The following GIPC2 variants were observed in gnomAD, a reference collection of about 807,000 sequenced individuals.
GIPC2 encodes GIPC PDZ domain containing family member 2, also known as PDZ domain-containing protein GIPC2.
In GIPC2, 30 loss-of-function variants were observed where a neutral mutation model predicts 30.6. The ratio of observed to expected loss-of-function variants is 0.98; its 90% CI spans 0.73 to 1.33. GIPC2 has a LOEUF of 1.33. Ranked by LOEUF, GIPC2 falls within the 40% of genes most tolerant of loss-of-function variation. The probability of loss-of-function intolerance (pLI) is 0.00; values close to 1 mark genes in which losing one functional copy is unlikely to be tolerated. For missense variants in GIPC2, 414 were observed against 390.3 expected (o/e 1.06, Z -0.51); for synonymous variants, 167 against 150.0 (o/e 1.11, Z -0.83).
intron 2 of GIPC2, among the ~76,000 whole-genome samples, chr1:78,087,017 T>C (rs1661941009): frequency 6.6e-6 from 1 of 152,206 alleles, no homozygotes; most frequent in South Asian, 2.1e-4. Context: ...GTTTGTGTGA[T>C]TGCTTTATAG....
At chr1:78,095,317 A>C (rs187502148) in intron 3 of GIPC2, among the ~76,000 whole-genome samples, 185 bp downstream of exon 3, 4 of 152,334 alleles carry the variant, frequency 2.6e-5, no homozygotes, top group African/African-American at 9.6e-5. Context: ...AGGAAGAAAA[A>C]AGAGAAAATT....
chr1:78,049,872 A>C (rs1162588411), intron 1 of GIPC2, among the ~76,000 whole-genome samples: 1 of 150,714 alleles, frequency 6.6e-6, no homozygotes, highest in East Asian at 2.0e-4. Context: ...TCAAATTCCA[A>C]ATACGAACCC....
At chr1:78,091,381 G>A in intron 2 of GIPC2, 1 of 512,040 alleles carries the variant, frequency 2.0e-6, no homozygotes, top group Non-Finnish European at 3.5e-6. Context: ...TCAGAGTCTG[G>A]TGCTTAAGAT....
intron 3 of GIPC2, among the ~76,000 whole-genome samples, chr1:78,112,194 T>C (rs1386928086): frequency 6.6e-6 from 1 of 152,248 alleles, no homozygotes; most frequent in East Asian, 1.9e-4. Context: ...AGTTTGGAAC[T>C]GAAAGTAATT....
chr1:78,096,365 G>A (rs939887712), intron 3 of GIPC2, among the ~76,000 whole-genome samples: 4 of 152,114 alleles, frequency 2.6e-5, no homozygotes, highest in African/African-American at 9.7e-5. Flanking sequence ...GATGGTTTGA[G>A]ATAAATATTC....
intron 3 of GIPC2, among the ~76,000 whole-genome samples, chr1:78,101,277 A>G (rs1415732337): frequency 6.6e-6 from 1 of 152,180 alleles, no homozygotes; most frequent in East Asian, 1.9e-4. Flanking sequence ...CACTTTCCCA[A>G]GTTGGCTGTG....
intron 2 of GIPC2, chr1:78,092,757 A>G (rs1662065220): frequency 6.6e-6 from 1 of 152,218 alleles, no homozygotes; most frequent in Non-Finnish European, 1.5e-5. Flanking sequence ...TTCATTCCAG[A>G]TTCTTATCTG....
At chr1:78,090,855 A>C (rs369760028) in intron 2 of GIPC2, among the ~76,000 whole-genome samples, 371 of 152,342 alleles carry the variant, frequency 2.4e-3, no homozygotes, top group Non-Finnish European at 4.7e-3. Context: ...CTGTGAAGCC[A>C]GAATAGACAT....
At position 78,046,462 on chromosome 1, in the gene GIPC2, C is replaced by A. The variant is rs941867890; in HGVS notation, c.240+128C>A. 5 of 800,014 alleles carry A rather than the reference C, an allele frequency of 6.2e-6. No homozygotes were observed. In the African/African-American group the frequency reaches 7.2e-5, roughly 12 times the overall value. The allele number at this position is 800,014 out of a possible 1,614,324, so 49.6% of individuals were successfully genotyped here. On this transcript the variant is annotated intron_variant, in intron 1 of 5. Coordinates refer to ENST00000370759, the MANE Select transcript of GIPC2 (RefSeq NM_017655.6). ...GCGAAATCCGATGCCGTGTTGAGTC[C>A]GCCGGGGGCGTCCCGGGGGAAAGTG...
chr1:78,065,979 A>G (rs1465505367), intron 1 of GIPC2, among the ~76,000 whole-genome samples: 1 of 152,252 alleles, frequency 6.6e-6, no homozygotes, highest in East Asian at 1.9e-4. Context: ...GGACATAGGA[A>G]TGGGCAAAGA....
At chr1:78,087,526 A>G (rs1300623817) in intron 2 of GIPC2, among the ~76,000 whole-genome samples, 1 of 152,226 alleles carries the variant, frequency 6.6e-6, no homozygotes, top group Non-Finnish European at 1.5e-5. Flanking sequence ...TGATGCTGGG[A>G]TAGCCATATG....
chr1:78,102,243 G>A (rs574717575), intron 3 of GIPC2, among the ~76,000 whole-genome samples: 1 of 152,274 alleles, frequency 6.6e-6, no homozygotes, highest in South Asian at 2.1e-4. Flanking sequence ...ATCAGAATAG[G>A]ATGTTAAGTA....
chr1:78,097,467 C>G (rs1428314519), intron 3 of GIPC2, among the ~76,000 whole-genome samples: 1 of 152,144 alleles, frequency 6.6e-6, no homozygotes, highest in Non-Finnish European at 1.5e-5. Context: ...AAAGACTTAG[C>G]CTGGAGAGGC....
At chr1:78,121,137 C>T (rs1662673558) in intron 4 of GIPC2, among the ~76,000 whole-genome samples, 1 of 151,984 alleles carries the variant, frequency 6.6e-6, no homozygotes, top group Admixed American at 6.6e-5. Flanking sequence ...TGAAAAACAC[C>T]AGAAGGAGAA....
chr1:78,050,043 C>T (rs968099149), intron 1 of GIPC2, among the ~76,000 whole-genome samples: 4 of 151,874 alleles, frequency 2.6e-5, no homozygotes, highest in South Asian at 2.1e-4. Flanking sequence ...ATTACAGGCA[C>T]ACGCCATCAT....
intron 3 of GIPC2, among the ~76,000 whole-genome samples, chr1:78,096,222 C>T (rs1662134600): frequency 6.6e-6 from 1 of 152,210 alleles, no homozygotes; most frequent in South Asian, 2.1e-4. Flanking sequence ...TGGTGCCTTG[C>T]AGCATCTGAG....
intron 1 of GIPC2, among the ~76,000 whole-genome samples, chr1:78,055,928 C>T (rs745462320): frequency 2.0e-5 from 3 of 152,102 alleles, no homozygotes; most frequent in African/African-American, 7.2e-5. Context: ...AAGTATTTTC[C>T]GTTCTCTATG....
Position 78,126,458 on chromosome 1 carries a change from T to C in GIPC2, c.796+496T>C, listed in dbSNP as rs1177400445. Among the ~76,000 whole-genome samples, 11 of 152,280 alleles carry C rather than the reference T, an allele frequency of 7.2e-5. 1 individual carries two copies. The highest frequency in any genetic ancestry group is 2.6e-4 in the African/African-American group (11 of 41,578). On this transcript the variant is annotated intron_variant, in intron 5 of 5. Coordinates refer to ENST00000370759, the MANE Select transcript of GIPC2 (RefSeq NM_017655.6). ...CGTATTTCTTATGTCATCATTAGGCTGTCAGGGTCTTGTTTATCAGTTAAG... is the reference window on the plus strand; with the variant it reads ...CGTATTTCTTATGTCATCATTAGGCCGTCAGGGTCTTGTTTATCAGTTAAG...
intron 1 of GIPC2, among the ~76,000 whole-genome samples, chr1:78,055,011 A>G (rs1007475763): frequency 1.2e-4 from 18 of 152,282 alleles, no homozygotes; most frequent in Admixed American, 2.6e-4. Flanking sequence ...GGCAATTTGT[A>G]TGTATGTATA....
Sources: allele counts gnomAD v4.1 joint callset (sites outside exome capture counted in the v4.1 genomes callset), GRCh38; gene constraint gnomAD v4.1.1; transcripts MANE v1.5; gene names NCBI Gene and HGNC (gene_info 2026-07-23, HGNC 2026-07-21).